The following ATG4B variants were observed in gnomAD, a reference collection of about 807,000 sequenced individuals.
ATG4B encodes autophagy related 4B cysteine peptidase, also known as cysteine protease ATG4B.
A neutral mutation model predicts 56.6 loss-of-function variants in ATG4B; 29 were observed. That is an observed-to-expected ratio of 0.51 (90% CI 0.38 to 0.70). ATG4B has a LOEUF of 0.70. Ranked by LOEUF, ATG4B falls within the 30% of genes least tolerant of loss-of-function variation. The pLI, the probability that ATG4B is intolerant of heterozygous loss-of-function variation, is 0.00. For missense variants in ATG4B, 461 were observed against 515.5 expected (o/e 0.89, Z 1.02); for synonymous variants, 224 against 206.1 (o/e 1.09, Z -0.74).
At chr2:241,639,530 C>T (rs762537668) in intron 1 of ATG4B, among the ~76,000 whole-genome samples, 1 of 152,188 alleles carries the variant, frequency 6.6e-6, no homozygotes, top group Non-Finnish European at 1.5e-5. Context: ...TTCATTGGGT[C>T]CCTAGTTCTT....
intron 7 of ATG4B, among the ~76,000 whole-genome samples, chr2:241,661,984 CAG>C (rs761371527): frequency 1.3e-5 from 2 of 152,298 alleles, no homozygotes; most frequent in East Asian, 3.9e-4. Context: ...CAGTCAGAAA[CAG>C]AGTGGGGAGG....
At chr2:241,671,951 G>A (rs1175016782) in intron 12 of ATG4B, 29 of 1,398,950 alleles carry the variant, frequency 2.1e-5, no homozygotes, top group Non-Finnish European at 2.6e-5. Flanking sequence ...AGGCCCCTCA[G>A]GCCTGAGATT....
At chr2:241,650,887 G>A in intron 1 of ATG4B, 123 bp from the exon 2 acceptor site, 3 of 774,492 alleles carry the variant, frequency 3.9e-6, no homozygotes, top group Non-Finnish European at 4.2e-6. Flanking sequence ...ACGAGAGGGA[G>A]TGCTGCTGTT....
At chr2:241,658,754 G>T (rs1258046462) in intron 6 of ATG4B, among the ~76,000 whole-genome samples, 1 of 152,252 alleles carries the variant, frequency 6.6e-6, no homozygotes, top group East Asian at 1.9e-4. Context: ...TGGGAGGCCT[G>T]CCTCAAAGTT....
At chr2:241,667,496 C>T (rs1302258976) in intron 8 of ATG4B, among the ~76,000 whole-genome samples, 1 of 151,330 alleles carries the variant, frequency 6.6e-6, no homozygotes, top group African/African-American at 2.4e-5. Flanking sequence ...CCCAGCTACA[C>T]AGGAGGCTGA....
At chr2:241,642,964 C>T (rs961720843) in intron 1 of ATG4B, among the ~76,000 whole-genome samples, 6 of 146,700 alleles carry the variant, frequency 4.1e-5, no homozygotes, top group Non-Finnish European at 7.5e-5. Context: ...CTCACTGCAG[C>T]CTTCGCCTCC....
At chr2:241,669,539 A>G (rs1206131237) in intron 10 of ATG4B, among the ~76,000 whole-genome samples, 2 of 151,920 alleles carry the variant, frequency 1.3e-5, no homozygotes, top group African/African-American at 2.4e-5. Context: ...ACGGAGTCTC[A>G]CTCTGTCGCC....
intron 1 of ATG4B, among the ~76,000 whole-genome samples, chr2:241,641,202 G>C (rs193046972): frequency 3.9e-5 from 6 of 152,320 alleles, no homozygotes; most frequent in Admixed American, 2.6e-4. Context: ...AGAGGGATGG[G>C]TAGAGAGGGA....
At chr2:241,650,506 C>T (rs980252251) in intron 1 of ATG4B, among the ~76,000 whole-genome samples, 2 of 152,102 alleles carry the variant, frequency 1.3e-5, no homozygotes, top group African/African-American at 4.8e-5. Flanking sequence ...ATCTGGTAAA[C>T]CTTAGGATGG....
Position 241,668,420 on chromosome 2 carries a change from C to A in ATG4B, c.812-120C>A. 2 of 1,458,706 alleles carry A rather than the reference C, an allele frequency of 1.4e-6. No individual in the cohort carries two copies. The highest frequency in any genetic ancestry group is 1.2e-5 in the South Asian group (1 of 82,224). 90.4% of individuals were successfully genotyped at this position (1,458,706 alleles called of 1,614,324 possible). The stretch of plus-strand genomic sequence containing the variant: ...GGTCTGGTGCCCTCGGCTCCCTCCC[C>A]ACCTCCTGCCCACTGCTTCTCAGTG... On this transcript the variant is annotated intron_variant, in intron 9 of 12. Transcript: ENST00000404914. This position sits in a 1 kb window ranked among gnomAD's most constrained non-coding sequence, Gnocchi z 4.2.
At chr2:241,652,786 G>T (rs1211244446) in intron 3 of ATG4B, among the ~76,000 whole-genome samples, 2 of 152,224 alleles carry the variant, frequency 1.3e-5, no homozygotes, top group East Asian at 3.9e-4. Flanking sequence ...TTTATTGTCC[G>T]TGCCAGTGCA....
At chr2:241,642,697 T>A (rs1483494058) in intron 1 of ATG4B, among the ~76,000 whole-genome samples, 1 of 151,324 alleles carries the variant, frequency 6.6e-6, no homozygotes, top group Non-Finnish European at 1.5e-5. Context: ...AAGTCACATG[T>A]TTTTTCTGAT....
At chr2:241,643,163 G>A (rs1462066601) in intron 1 of ATG4B, among the ~76,000 whole-genome samples, 1 of 151,662 alleles carries the variant, frequency 6.6e-6, no homozygotes, top group Admixed American at 6.6e-5. Context: ...GGGATTACAG[G>A]TGAACCACCA....
chr2:241,638,044 C>G (rs1020619433), intron 1 of ATG4B, among the ~76,000 whole-genome samples: 3 of 151,598 alleles, frequency 2.0e-5, no homozygotes, highest in African/African-American at 7.3e-5. Context: ...TGGAGGGCGG[C>G]GGAGCCTGCC....
intron 1 of ATG4B, among the ~76,000 whole-genome samples, chr2:241,643,691 T>TATA (rs1491158923): frequency 4.8e-5 from 5 of 104,198 alleles, no homozygotes; most frequent in African/African-American, 2.8e-4. Context: ...TATGTATATA[T>TATA]TTTCCCCCCC....
At chr2:241,665,963 C>T (rs940679105) in intron 7 of ATG4B, among the ~76,000 whole-genome samples, 3 of 152,176 alleles carry the variant, frequency 2.0e-5, no homozygotes, top group African/African-American at 7.2e-5. Context: ...CACCTTTGGC[C>T]GGTGGCCACC....
intron 1 of ATG4B, among the ~76,000 whole-genome samples, chr2:241,649,867 T>C (rs2068177475): frequency 6.9e-6 from 1 of 145,642 alleles, no homozygotes. Context: ...CACTGCAACC[T>C]CCACCTTCTG....
chr2:241,648,656 C>G (rs1345106071), intron 1 of ATG4B, among the ~76,000 whole-genome samples: 1 of 151,838 alleles, frequency 6.6e-6, no homozygotes, highest in Admixed American at 6.6e-5. Context: ...CTGTGGAAAG[C>G]TTGCTTCATC....
chr2:241,639,907 C>CA, intron 1 of ATG4B, among the ~76,000 whole-genome samples: 1 of 152,196 alleles, frequency 6.6e-6, no homozygotes, highest in Non-Finnish European at 1.5e-5. Flanking sequence ...GTTCGCAATC[C>CA]AGTCTGTGGA....
Sources: gnomAD v4.1 joint callset for allele counts (sites outside exome capture counted in the v4.1 genomes callset) on GRCh38, gnomAD v4.1.1 for gene constraint, Gnocchi (gnomAD v3.1) non-coding constraint, MANE v1.5 for transcripts, NCBI Gene and HGNC (gene_info 2026-07-23, HGNC 2026-07-21) for gene names.